GALNT16: variants seen among roughly 807,000 people sequenced by gnomAD.
The protein encoded by GALNT16 is polypeptide N-acetylgalactosaminyltransferase 16.
Under a neutral mutation model 76.1 loss-of-function variants are expected in GALNT16, and 40 were observed. The observed-to-expected ratio is 0.53, with a 90% CI of 0.41 to 0.68. The LOEUF (loss-of-function observed/expected upper bound fraction) is 0.68, where lower values mean the gene tolerates loss of function less well. Among genes scored for constraint, GALNT16 ranks in the 30% least tolerant of loss-of-function variants. The probability of loss-of-function intolerance (pLI) is 0.00; values close to 1 mark genes in which losing one functional copy is unlikely to be tolerated. For missense variants in GALNT16, 621 were observed against 731.9 expected, an observed-to-expected ratio of 0.85 and a Z score of 1.75; for synonymous variants, 276 against 285.2, an observed-to-expected ratio of 0.97 and a Z score of 0.32.
At chr14:69,360,430 C>G (rs927080884), downstream of GALNT16, among the ~76,000 whole-genome samples, 2 of 151,472 alleles carry the variant, frequency 1.3e-5, no homozygotes, top group Non-Finnish European at 2.9e-5. Flanking sequence ...GAGTTCGAGA[C>G]CAGCCTGGCC....
chr14:69,306,051 C>T (rs1594837931), intron 1 of GALNT16, among the ~76,000 whole-genome samples: 4 of 152,188 alleles, frequency 2.6e-5, no homozygotes, highest in Non-Finnish European at 5.9e-5. Context: ...TCTTGGCACC[C>T]TTGTCGAACA....
At chr14:69,363,337 C>T in the GALNT16 span, among the ~76,000 whole-genome samples, 2 of 152,194 alleles carry the variant, frequency 1.3e-5, no homozygotes, top group Non-Finnish European at 2.9e-5. Context: ...CGGAAGGCCC[C>T]TTCCCAGCCC....
chr14:69,380,556 G>C, the GALNT16 span: 1 of 1,610,172 alleles, frequency 6.2e-7, no homozygotes, highest in Admixed American at 1.7e-5. Flanking sequence ...CAGCCTGTTG[G>C]GCCTGCCGAC....
intron 1 of GALNT16, among the ~76,000 whole-genome samples, chr14:69,310,305 T>C (rs764547006): frequency 4.9e-4 from 74 of 152,160 alleles, no homozygotes; most frequent in Admixed American, 6.5e-4. Context: ...TTTCAGATTT[T>C]CTCTGATTGT....
the GALNT16 span, chr14:69,380,328 TAAA>T: frequency 3.6e-4 from 128 of 359,344 alleles, no homozygotes; most frequent in Middle Eastern, 7.3e-4. Context: ...AATGTTTAAG[TAAA>T]AAAAAAAAAA....
Position 69,333,707 on chromosome 14 carries a change from C to T in GALNT16, c.967+107C>T, listed in dbSNP as rs1039023545. 1.5e-6 allele frequency: 1 copy of T among 645,414 alleles called. No homozygotes were observed. Among genetic ancestry groups the T allele is most frequent in the African/African-American group, 1.8e-5 (1 of 54,478 alleles). The allele number at this position is 645,414 out of a possible 1,614,324, so 40.0% of individuals were successfully genotyped here. On this transcript the variant is annotated intron_variant, in intron 9 of 14. Transcript: ENST00000448469. The surrounding 1 kb of genome is among the most constrained non-coding windows in gnomAD (Gnocchi z 4.2). ...GAGGACCTGCTCTAAGGACTTTACA[C>T]ACATGAGGTCATTTAATTCTCTCAA...
At chr14:69,377,555 C>T in the GALNT16 span, among the ~76,000 whole-genome samples, 1 of 151,812 alleles carries the variant, frequency 6.6e-6, no homozygotes, top group African/African-American at 2.4e-5. Context: ...GCCTGTAATC[C>T]CAACACTTTG....
chr14:69,274,964 T>G (rs1249287614), intron 1 of GALNT16, among the ~76,000 whole-genome samples: 1 of 152,144 alleles, frequency 6.6e-6, no homozygotes, highest in Non-Finnish European at 1.5e-5. Context: ...ACACACTTAC[T>G]TGTCAGGATA....
At chr14:69,319,939 G>A (rs1003543536) in intron 1 of GALNT16, among the ~76,000 whole-genome samples, 1 of 152,182 alleles carries the variant, frequency 6.6e-6, no homozygotes, top group Non-Finnish European at 1.5e-5. Flanking sequence ...TTTACTGATC[G>A]GGTGCCTCAT....
At chr14:69,280,047 A>G (rs1029547318) in intron 1 of GALNT16, among the ~76,000 whole-genome samples, 1 of 152,198 alleles carries the variant, frequency 6.6e-6, no homozygotes, top group African/African-American at 2.4e-5. Context: ...TACATATAAG[A>G]TAAACTTTAC....
At chr14:69,285,873 A>T (rs950265455) in intron 1 of GALNT16, among the ~76,000 whole-genome samples, 3 of 152,062 alleles carry the variant, frequency 2.0e-5, no homozygotes, top group African/African-American at 7.2e-5. Context: ...TTCTGCTGGC[A>T]CATGGCATGC....
At chr14:69,289,409 G>A (rs1037144800) in intron 1 of GALNT16, among the ~76,000 whole-genome samples, 3 of 152,202 alleles carry the variant, frequency 2.0e-5, no homozygotes, top group Admixed American at 2.0e-4. Context: ...GAAGGTCTCT[G>A]TGGTCAAAAC....
chr14:69,307,053 A>G (rs2044945887), intron 1 of GALNT16, among the ~76,000 whole-genome samples: 1 of 152,134 alleles, frequency 6.6e-6, no homozygotes. Flanking sequence ...TGCCTAGCTC[A>G]TGCACTTGGC....
chr14:69,363,328 G>A, the GALNT16 span, among the ~76,000 whole-genome samples: 4 of 152,148 alleles, frequency 2.6e-5, no homozygotes, highest in Non-Finnish European at 4.4e-5. Context: ...AGCTGCTGTC[G>A]GAAGGCCCCT....
rs746845406 is a variant in GALNT16 at position 69,333,562 on chromosome 14, A to T, written c.929A>T (p.Tyr310Phe). ...TCCTGGTTTAACCACTTGGGAAAGT[A>T]TGATGCCCAGATGGACATCTGGGGG... ...DKSWFNHLGK[Y>F]DAQMDIWGGE... The change falls in exon 9 of 15, where the codon TAT (tyrosine) becomes TTT (phenylalanine). Residue 310 changes from tyrosine (Y) to phenylalanine (F), a missense_variant. By Grantham distance (22) the Tyr-to-Phe change is conservative (BLOSUM62 3). Coordinates refer to ENST00000448469, the MANE Select transcript of GALNT16 (RefSeq NM_001168368.2). This position sits in a 1 kb window ranked among gnomAD's most constrained non-coding sequence, Gnocchi z 4.2. The T allele has an allele frequency of 3.1e-6, 5 of 1,604,944 alleles. No individual in the cohort carries two copies. The highest frequency in any genetic ancestry group is 4.5e-5 in the East Asian group (2 of 44,824).
intron 1 of GALNT16, among the ~76,000 whole-genome samples, chr14:69,273,248 A>G (rs2044428523): frequency 6.6e-6 from 1 of 152,208 alleles, no homozygotes; most frequent in South Asian, 2.1e-4. Flanking sequence ...GAGGAGGGGT[A>G]GGAGCAGTGG....
chr14:69,315,458 C>T (rs1458271072), intron 1 of GALNT16, among the ~76,000 whole-genome samples: 2 of 152,180 alleles, frequency 1.3e-5, no homozygotes, highest in African/African-American at 4.8e-5. Context: ...CACCATCTCC[C>T]CAACCTTCCT....
intron 13 of GALNT16, 125 bp from the exon 14 acceptor site, chr14:69,347,752 G>C: frequency 1.0e-6 from 1 of 991,856 alleles, no homozygotes. Context: ...ATCTACCCTA[G>C]CTCCTACAAT....
chr14:69,366,474 G>A, the GALNT16 span, among the ~76,000 whole-genome samples: 2 of 152,172 alleles, frequency 1.3e-5, no homozygotes, highest in African/African-American at 4.8e-5. Flanking sequence ...CCCTTACAGG[G>A]CCCTCTGCTC....
Sources: allele counts gnomAD v4.1 joint callset (sites outside exome capture counted in the v4.1 genomes callset), GRCh38; gene constraint gnomAD v4.1.1; non-coding constraint Gnocchi (gnomAD v3.1); transcripts MANE v1.5; gene names NCBI Gene and HGNC (gene_info 2026-07-23, HGNC 2026-07-21).